WWOX: variants seen among roughly 807,000 people sequenced by gnomAD.
The protein encoded by WWOX is WW domain containing oxidoreductase.
A neutral mutation model predicts 46.2 loss-of-function variants in WWOX; 69 were observed. The observed-to-expected ratio is 1.49, with a 90% confidence interval of 1.23 to 1.82. The LOEUF (loss-of-function observed/expected upper bound fraction) is 1.82, where lower values mean the gene tolerates loss of function less well. Ranked by LOEUF, WWOX falls within the 40% of genes most tolerant of loss-of-function variation. The pLI is 0.00. For missense variants in WWOX, 919 were observed against 542.6 expected, an observed-to-expected ratio of 1.69 and a Z score of -6.89; for synonymous variants, 359 against 202.6, an observed-to-expected ratio of 1.77 and a Z score of -6.56.
chr16:78,974,769 C>T (rs746893538), intron 8 of WWOX, among the ~76,000 whole-genome samples: 5 of 152,162 alleles, frequency 3.3e-5, no homozygotes, highest in African/African-American at 1.2e-4. Context: ...CGCCAGCTCT[C>T]CACCCTTCAG....
chr16:78,960,529 C>T (rs1207918984), intron 8 of WWOX, among the ~76,000 whole-genome samples: 1 of 152,168 alleles, frequency 6.6e-6, no homozygotes, highest in East Asian at 1.9e-4. Context: ...CCTTCTTACC[C>T]CAGAAGGAAA....
chr16:78,181,948 T>C (rs190878342), intron 5 of WWOX, among the ~76,000 whole-genome samples: 1 of 152,326 alleles, frequency 6.6e-6, no homozygotes, highest in East Asian at 1.9e-4. Context: ...AGGACTCTTT[T>C]AGCCTCCGCG....
At chr16:78,381,017 A>G (rs1001360262) in intron 5 of WWOX, among the ~76,000 whole-genome samples, 6 of 152,178 alleles carry the variant, frequency 3.9e-5, no homozygotes, top group African/African-American at 1.4e-4. Context: ...AATTAAGGCA[A>G]TTGAAGCCCA....
intron 5 of WWOX, among the ~76,000 whole-genome samples, chr16:78,274,736 G>T (rs2079546316): frequency 1.3e-5 from 2 of 152,116 alleles, no homozygotes; most frequent in African/African-American, 4.8e-5. Context: ...CTTGGGCGAG[G>T]GCCCTAGAAT....
At chr16:78,888,755 C>G (rs1331039500) in intron 8 of WWOX, among the ~76,000 whole-genome samples, 1 of 152,140 alleles carries the variant, frequency 6.6e-6, no homozygotes, top group East Asian at 1.9e-4. Context: ...TAAAATAGCC[C>G]AGGGTTAGTT....
chr16:78,322,825 A>G (rs1308313639), intron 5 of WWOX, among the ~76,000 whole-genome samples: 4 of 152,312 alleles, frequency 2.6e-5, no homozygotes, highest in South Asian at 2.1e-4. Flanking sequence ...TACGTAAGAA[A>G]ATGAGTATGG....
At chr16:78,352,982 G>A (rs1197638319) in intron 5 of WWOX, among the ~76,000 whole-genome samples, 1 of 152,144 alleles carries the variant, frequency 6.6e-6, no homozygotes, top group Non-Finnish European at 1.5e-5. Flanking sequence ...TCACTTACTT[G>A]AAAAGCAGTC....
At position 78,432,821 on chromosome 16, in the gene WWOX, C is replaced by T. The variant is rs1006131146; in HGVS notation, c.1056+69C>T. ...AGAAACCTGCACACTTGTGTCTCCA[C>T]CTTTTTACCTCTTGCGGGCATGAGT... On this transcript the variant is annotated intron_variant, in intron 8 of 8. Coordinates refer to ENST00000566780, the MANE Select transcript of WWOX (RefSeq NM_016373.4). 7.5e-5 allele frequency: 121 copies of T among 1,609,986 alleles called. 1 individual carries two copies. In the African/African-American group the frequency reaches 1.5e-3, roughly 20 times the overall value.
chr16:79,131,360 C>T (rs888277498), intron 8 of WWOX, among the ~76,000 whole-genome samples: 5 of 152,008 alleles, frequency 3.3e-5, no homozygotes, highest in African/African-American at 1.2e-4. Flanking sequence ...ACAAAGAGAG[C>T]CTGAAAAGCA....
chr16:78,425,070 C>G lies in WWOX; in HGVS notation c.791+15C>G. ...GAGTCCCATCGGTGGGTTTGAATTGCATATTTGTTCACTTATCCCCTTTCT... is the reference window on the plus strand; with the variant it reads ...GAGTCCCATCGGTGGGTTTGAATTGGATATTTGTTCACTTATCCCCTTTCT... On this transcript the variant is annotated intron_variant, in intron 7 of 8. Transcript: ENST00000566780. 6.2e-7 allele frequency: 1 copy of G among 1,612,724 alleles called. No homozygotes were observed. Among genetic ancestry groups the G allele is most frequent in the Non-Finnish European group, 8.5e-7 (1 of 1,179,896 alleles).
At chr16:78,711,589 T>A (rs1186621452) in intron 8 of WWOX, among the ~76,000 whole-genome samples, 2 of 152,224 alleles carry the variant, frequency 1.3e-5, no homozygotes, top group Non-Finnish European at 2.9e-5. Context: ...ATGATAAACC[T>A]TAACGCTTAA....
chr16:78,979,697 C>T (rs566119820), intron 8 of WWOX, among the ~76,000 whole-genome samples: 127 of 152,238 alleles, frequency 8.3e-4, no homozygotes, highest in African/African-American at 3.0e-3. Context: ...GTGTAGCCGT[C>T]CATGCTTGAG....
At chr16:78,813,637 C>G (rs541350003) in intron 8 of WWOX, among the ~76,000 whole-genome samples, 4 of 152,100 alleles carry the variant, frequency 2.6e-5, no homozygotes, top group South Asian at 2.1e-4. Flanking sequence ...CATTGTGTCT[C>G]CAAGGTCTTA....
intron 8 of WWOX, among the ~76,000 whole-genome samples, chr16:78,782,261 G>C (rs1335107824): frequency 6.6e-6 from 1 of 152,036 alleles, no homozygotes; most frequent in African/African-American, 2.4e-5. Context: ...CTTCCCTCTA[G>C]TGACCGCTGT....
intron 8 of WWOX, among the ~76,000 whole-genome samples, chr16:78,610,635 C>T (rs1035926299): frequency 2.6e-5 from 4 of 152,062 alleles, no homozygotes; most frequent in African/African-American, 9.6e-5. Flanking sequence ...ATCTGTTGCC[C>T]CTTCTCCTAA....
rs71384384 is a variant in WWOX at position 78,884,273 on chromosome 16, C to CAAA, written c.1057-327317_1057-327315dup. 2.2e-3 allele frequency among the ~76,000 whole-genome samples: 103 copies of CAAA among 46,538 alleles called. 1 individual carries two copies. Among genetic ancestry groups the CAAA allele is most frequent in the East Asian group, 9.1e-3 (18 of 1,976 alleles). The allele number at this position is 46,538 out of a possible 152,430, so 30.5% of individuals were successfully genotyped here. On this transcript the variant is annotated intron_variant, in intron 8 of 8. Coordinates refer to ENST00000566780, the MANE Select transcript of WWOX (RefSeq NM_016373.4). ...GGGTGACAGAGTGAGACCCTGTCTC[C>CAAA]AAAAAAAAAAAAAAAAAAAACAAAA...
intron 8 of WWOX, among the ~76,000 whole-genome samples, chr16:78,626,838 A>G (rs778350660): frequency 7.9e-5 from 12 of 152,074 alleles, no homozygotes; most frequent in Non-Finnish European, 1.6e-4. Context: ...ATGGACATTT[A>G]TTTTATGCTT....
At chr16:78,955,005 A>G (rs1342932693) in intron 8 of WWOX, among the ~76,000 whole-genome samples, 1 of 152,098 alleles carries the variant, frequency 6.6e-6, no homozygotes, top group Non-Finnish European at 1.5e-5. Flanking sequence ...GCCCAGGCTT[A>G]TCTCAAACTC....
intron 5 of WWOX, among the ~76,000 whole-genome samples, chr16:78,285,755 A>T (rs1266369341): frequency 6.6e-6 from 1 of 152,170 alleles, no homozygotes; most frequent in Non-Finnish European, 1.5e-5. Flanking sequence ...AGCTGAGGAC[A>T]AAGTAGGTTG....
Sources: gnomAD v4.1 joint callset for allele counts (sites outside exome capture counted in the v4.1 genomes callset) on GRCh38, gnomAD v4.1.1 for gene constraint, MANE v1.5 for transcripts, NCBI Gene and HGNC (gene_info 2026-07-23, HGNC 2026-07-21) for gene names.